Variants in AFF3 observed in about 807,000 individuals in gnomAD.
AFF3 encodes AF4/FMR2 family member 3.
In AFF3, 32 loss-of-function variants were observed where a neutral mutation model predicts 129.7. The ratio of observed to expected loss-of-function variants is 0.25; its 90% CI spans 0.19 to 0.33. The LOEUF is 0.33. Ranked by LOEUF, AFF3 falls within the 10% of genes least tolerant of loss-of-function variation. AFF3 has a pLI of 1.00. For synonymous variants in AFF3, 644 were observed against 635.4 expected (o/e 1.01, Z -0.20); for missense variants, 1,373 against 1,592.0 (o/e 0.86, Z 2.34).
intron 13 of AFF3, among the ~76,000 whole-genome samples, chr2:99,612,247 C>T (rs1681007950): frequency 1.3e-5 from 2 of 152,180 alleles, no homozygotes; most frequent in Admixed American, 6.5e-5. Context: ...AGAAAGGAAC[C>T]CTCTCTCAAT....
At position 99,572,286 on chromosome 2, in the gene AFF3, T is replaced by TCC. The variant is rs1383965658; in HGVS notation, c.2919-3373_2919-3372dup. 5.3e-3 allele frequency among the ~76,000 whole-genome samples: 240 copies of TCC among 45,714 alleles called. 1 individual carries two copies. Among genetic ancestry groups the TCC allele is most frequent in the Middle Eastern group, 0.013 (1 of 78 alleles). 30.0% of individuals were successfully genotyped at this position (45,714 alleles called of 152,430 possible). A position where few individuals can be genotyped will look rare whatever the true frequency, so the allele number is the denominator to read the frequency against. On this transcript the variant is annotated intron_variant, in intron 18 of 24. Transcript: ENST00000672756. ...ATGTTTTCTTTTCTTCTCTTCCCCC[T>TCC]CCCACCACCCCCCCCCCCCCACCTA...
chr2:100,072,808 C>A (rs959805733), intron 4 of AFF3, among the ~76,000 whole-genome samples: 1 of 152,182 alleles, frequency 6.6e-6, no homozygotes, highest in East Asian at 1.9e-4. Flanking sequence ...TGTTTCTTCT[C>A]GTTTGTATTT....
chr2:99,567,778 A>G (rs1379139762), intron 19 of AFF3, among the ~76,000 whole-genome samples: 1 of 152,178 alleles, frequency 6.6e-6, no homozygotes, highest in African/African-American at 2.4e-5. Context: ...CGTCAACAGG[A>G]AAGATAGGGT....
chr2:99,756,841 T>C (rs1267921111), intron 8 of AFF3, among the ~76,000 whole-genome samples: 1 of 152,234 alleles, frequency 6.6e-6, no homozygotes, highest in Non-Finnish European at 1.5e-5. Flanking sequence ...CCATATAATA[T>C]TGTGCATGTG....
chr2:100,044,217 C>T (rs144993025), intron 4 of AFF3, among the ~76,000 whole-genome samples: 5 of 152,328 alleles, frequency 3.3e-5, no homozygotes, highest in South Asian at 2.1e-4. Flanking sequence ...AGGCAGGACC[C>T]GCATCCTCCA....
At chr2:100,141,097 A>G (rs1692851024) in intron 1 of AFF3, among the ~76,000 whole-genome samples, 2 of 152,318 alleles carry the variant, frequency 1.3e-5, no homozygotes, top group South Asian at 2.1e-4. Flanking sequence ...AATTCTTAAG[A>G]GGAAGGGATT....
chr2:99,798,874 A>T (rs1179602032), intron 8 of AFF3, among the ~76,000 whole-genome samples: 1 of 152,022 alleles, frequency 6.6e-6, no homozygotes, highest in Non-Finnish European at 1.5e-5. Flanking sequence ...CTGCCCTAGT[A>T]ATTGATAGAA....
At chr2:100,107,269 G>C (rs1691343940) in intron 2 of AFF3, 1 of 985,256 alleles carries the variant, frequency 1.0e-6, no homozygotes, top group Non-Finnish European at 1.2e-6. Context: ...CAGTTAGTGA[G>C]AGCCTTTATG....
intron 4 of AFF3, among the ~76,000 whole-genome samples, chr2:100,091,840 CCT>C (rs913495433): frequency 8.6e-6 from 1 of 116,432 alleles, no homozygotes; most frequent in African/African-American, 3.3e-5. Flanking sequence ...CGCCCTCCCA[CCT>C]CCCATCCATT....
intron 8 of AFF3, among the ~76,000 whole-genome samples, chr2:99,803,990 A>C (rs1292438664): frequency 1.3e-5 from 2 of 152,152 alleles, no homozygotes; most frequent in Non-Finnish European, 2.9e-5. Flanking sequence ...CTAGAAGAAA[A>C]CCTAGGAAAA....
chr2:99,778,509 G>A (rs1341393197), intron 8 of AFF3, among the ~76,000 whole-genome samples: 1 of 152,122 alleles, frequency 6.6e-6, no homozygotes, highest in East Asian at 1.9e-4. Context: ...TTGGTAGCCT[G>A]TCTCTCCCCA....
At chr2:100,119,488 C>T (rs115688496) in intron 2 of AFF3, among the ~76,000 whole-genome samples, 5,117 of 152,228 alleles carry the variant, frequency 0.034, 278 homozygotes, top group African/African-American at 0.12. Flanking sequence ...GAGTCAAAGC[C>T]CTGTGAAAAG....
chr2:99,966,602 A>G (rs1256638251), intron 7 of AFF3, among the ~76,000 whole-genome samples: 6 of 141,408 alleles, frequency 4.2e-5, no homozygotes, highest in African/African-American at 1.5e-4. Flanking sequence ...AGGCAGGAGA[A>G]TGGCGTGAAC....
At chr2:99,996,829 C>G (rs949713235) in intron 7 of AFF3, among the ~76,000 whole-genome samples, 1 of 152,126 alleles carries the variant, frequency 6.6e-6, no homozygotes, top group Non-Finnish European at 1.5e-5. Flanking sequence ...CCCAAGTAGA[C>G]GTTGGCCCCA....
chr2:99,618,884 G>C (rs1381394330), intron 13 of AFF3, among the ~76,000 whole-genome samples: 6 of 131,442 alleles, frequency 4.6e-5, no homozygotes, highest in Non-Finnish European at 8.0e-5. Context: ...GCTACAGATA[G>C]CTCTGATCGA....
chr2:100,122,719 A>G (rs1243934920), intron 2 of AFF3, among the ~76,000 whole-genome samples: 8 of 152,226 alleles, frequency 5.3e-5, no homozygotes, highest in Non-Finnish European at 1.5e-5. Flanking sequence ...TGTTTCTCAA[A>G]ATGTGAGTTT....
At chr2:100,095,969 G>C (rs1324746501) in intron 4 of AFF3, among the ~76,000 whole-genome samples, 1 of 152,100 alleles carries the variant, frequency 6.6e-6, no homozygotes, top group Non-Finnish European at 1.5e-5. Flanking sequence ...TGGGTTCCAC[G>C]TAGAGTCTTC....
chr2:99,970,415 G>A (rs748771768), intron 7 of AFF3, among the ~76,000 whole-genome samples: 3 of 151,994 alleles, frequency 2.0e-5, no homozygotes, highest in Admixed American at 1.3e-4. Flanking sequence ...CTCACCTCCC[G>A]TTTCCTTTCT....
Position 99,547,448 on chromosome 2 carries a change from G to A in AFF3, c.*4026C>T, listed in dbSNP as rs925661374. 2.4e-5 allele frequency: 5 copies of A among 211,816 alleles called. No homozygotes were observed. The highest frequency in any genetic ancestry group is 1.9e-4 in the South Asian group (1 of 5,314). The allele number at this position is 211,816 out of a possible 1,614,324, so 13.1% of individuals were successfully genotyped here. A position where few individuals can be genotyped will look rare whatever the true frequency, so the allele number is the denominator to read the frequency against. ...GGAATCTACAAATAGGAAATCACAC[G>A]CAGATTACTGGGTCTGAAGAGTGTC... On this transcript the variant is annotated 3_prime_UTR_variant, in exon 25 of 25. Transcript: ENST00000672756.
Sources: gnomAD v4.1 joint callset for allele counts (sites outside exome capture counted in the v4.1 genomes callset) on GRCh38, gnomAD v4.1.1 for gene constraint, MANE v1.5 for transcripts, NCBI Gene and HGNC (gene_info 2026-07-23, HGNC 2026-07-21) for gene names.